The following RAD51B variants were observed in gnomAD, a reference collection of about 807,000 sequenced individuals.
RAD51B encodes RAD51 paralog B, also known as DNA repair protein RAD51 homolog 2.
A neutral mutation model predicts 42.2 loss-of-function variants in RAD51B; 38 were observed. The observed-to-expected ratio is 0.90, with a 90% CI of 0.70 to 1.18. The LOEUF is 1.18. Ranked by LOEUF, RAD51B falls within the 50% of genes most tolerant of loss-of-function variation. The pLI is 0.00. For missense variants in RAD51B, 373 were observed against 400.7 expected (o/e 0.93, Z 0.59); for synonymous variants, 154 against 145.2 (o/e 1.06, Z -0.43).
At chr14:68,124,742 A>G (rs2077720403) in intron 7 of RAD51B, among the ~76,000 whole-genome samples, 1 of 152,176 alleles carries the variant, frequency 6.6e-6, no homozygotes, top group Non-Finnish European at 1.5e-5. Context: ...TCATGAGGTC[A>G]GGAGTTTGAG....
chr14:67,949,239 C>T (rs2074396315), intron 7 of RAD51B, among the ~76,000 whole-genome samples: 1 of 152,218 alleles, frequency 6.6e-6, no homozygotes. Context: ...GCATTTTACT[C>T]ACAGTAGAAC....
At chr14:67,968,674 G>A (rs1305022900) in intron 7 of RAD51B, among the ~76,000 whole-genome samples, 2 of 152,116 alleles carry the variant, frequency 1.3e-5, no homozygotes, top group African/African-American at 4.8e-5. Flanking sequence ...GGACTTTATT[G>A]TCCATATCAC....
intron 7 of RAD51B, among the ~76,000 whole-genome samples, chr14:68,216,867 C>T (rs74926529): frequency 0.025 from 3,761 of 152,238 alleles, 169 homozygotes; most frequent in African/African-American, 0.087. Context: ...GTCCGACCCC[C>T]CTCTCAGCCT....
intron 8 of RAD51B, among the ~76,000 whole-genome samples, chr14:68,297,275 C>T (rs145068461): frequency 7.9e-5 from 12 of 152,314 alleles, no homozygotes; most frequent in African/African-American, 2.9e-4. Context: ...TGGATCTGCT[C>T]TGGATTTACT....
chr14:68,360,488 C>T (rs1398410279), intron 8 of RAD51B, among the ~76,000 whole-genome samples: 2 of 152,234 alleles, frequency 1.3e-5, no homozygotes, highest in East Asian at 3.8e-4. Flanking sequence ...CAGTAGTCTT[C>T]GTGTTACCAG....
intron 7 of RAD51B, among the ~76,000 whole-genome samples, chr14:68,236,753 C>G (rs919039839): frequency 1.3e-5 from 2 of 152,176 alleles, no homozygotes; most frequent in East Asian, 3.8e-4. Context: ...ATCTTTGTGT[C>G]TATTTGGGGA....
Position 68,367,536 on chromosome 14 carries a change from T to G in RAD51B, c.854-43888T>G, listed in dbSNP as rs191860119. Among the ~76,000 whole-genome samples, 33 of 152,308 alleles carry G rather than the reference T, an allele frequency of 2.2e-4. No homozygotes were observed. The East Asian group carries it at 6.2e-3, about 28-fold the overall frequency. On this transcript the variant is annotated intron_variant, in intron 8 of 10. Coordinates refer to ENST00000471583, the MANE Select transcript of RAD51B (RefSeq NM_133510.4). ...GGCTGACAGACATTTGAAAGGCAGG[T>G]TCATGAGGATTGAAGGAACATGTGG...
intron 11 of RAD51B, among the ~76,000 whole-genome samples, chr14:68,673,765 CCA>C (rs879316224): frequency 6.7e-6 from 1 of 149,428 alleles, no homozygotes; most frequent in Non-Finnish European, 1.5e-5. Flanking sequence ...ATATATACAT[CCA>C]CACACGTACA....
chr14:68,432,509 C>T (rs1454825765), intron 9 of RAD51B, among the ~76,000 whole-genome samples: 2 of 152,160 alleles, frequency 1.3e-5, no homozygotes, highest in Non-Finnish European at 2.9e-5. Flanking sequence ...TATGTAATGA[C>T]CTTCTTTGTC....
intron 9 of RAD51B, among the ~76,000 whole-genome samples, chr14:68,424,117 G>T (rs1384043752): frequency 6.6e-6 from 1 of 152,168 alleles, no homozygotes. Flanking sequence ...GAACCTAAGG[G>T]CCCAGGAGGT....
intron 8 of RAD51B, among the ~76,000 whole-genome samples, chr14:68,314,303 C>T (rs536081841): frequency 4.9e-4 from 74 of 152,224 alleles, no homozygotes; most frequent in African/African-American, 1.7e-3. Flanking sequence ...CCCCTGCACT[C>T]ATTCTGATCC....
At chr14:68,370,935 G>T (rs1254010534) in intron 8 of RAD51B, among the ~76,000 whole-genome samples, 1 of 149,604 alleles carries the variant, frequency 6.7e-6, no homozygotes, top group Non-Finnish European at 1.5e-5. Context: ...TGCTCAGGAA[G>T]TGGAGGCTGG....
downstream of RAD51B, among the ~76,000 whole-genome samples, chr14:68,599,362 A>G (rs1891130252): frequency 6.6e-6 from 1 of 152,174 alleles, no homozygotes; most frequent in African/African-American, 2.4e-5. Flanking sequence ...GAAGTTGCGC[A>G]AGGTGGAAAT....
intron 8 of RAD51B, among the ~76,000 whole-genome samples, chr14:68,382,732 G>A (rs2083505948): frequency 6.6e-6 from 1 of 152,160 alleles, no homozygotes. Flanking sequence ...GATTGGACCA[G>A]CACAATGTAT....
At chr14:68,586,959 C>G (rs1429232279) in intron 10 of RAD51B, among the ~76,000 whole-genome samples, 1 of 151,774 alleles carries the variant, frequency 6.6e-6, no homozygotes, top group Non-Finnish European at 1.5e-5. Context: ...GAGTCGAGAT[C>G]ACGCCATTGC....
At chr14:68,539,767 C>T (rs1887854122) in intron 10 of RAD51B, among the ~76,000 whole-genome samples, 1 of 152,180 alleles carries the variant, frequency 6.6e-6, no homozygotes, top group Non-Finnish European at 1.5e-5. Flanking sequence ...TCAGCTGGCT[C>T]AATGGGACTT....
chr14:68,631,062 TG>T (rs1247726055), intron 10 of RAD51B, among the ~76,000 whole-genome samples: 1 of 152,188 alleles, frequency 6.6e-6, no homozygotes. Context: ...TTAGGCACGC[TG>T]AAAGTGGGAT....
intron 5 of RAD51B, among the ~76,000 whole-genome samples, chr14:67,866,299 A>G (rs988740196): frequency 1.3e-5 from 2 of 152,240 alleles, no homozygotes; most frequent in African/African-American, 4.8e-5. Context: ...CATTGAGACT[A>G]CTGGAAATTT....
At position 67,893,498 on chromosome 14, in the gene RAD51B, ACACAC is replaced by A. The variant is rs1451047747; in HGVS notation, c.756+6295_756+6299del. On this transcript the variant is annotated intron_variant, in intron 7 of 10. Coordinates refer to ENST00000471583, the MANE Select transcript of RAD51B (RefSeq NM_133510.4). ...CACACACACACACACACACACACAC[ACACAC>A]ACACACAAAAAAAAACAATTAGCTG... 6.4e-4 allele frequency among the ~76,000 whole-genome samples: 63 copies of A among 98,230 alleles called. 1 individual carries two copies. Among genetic ancestry groups the A allele is most frequent in the African/African-American group, 1.3e-3 (27 of 20,998 alleles). 64.4% of individuals were successfully genotyped at this position (98,230 alleles called of 152,430 possible).
Sources: allele counts gnomAD v4.1 joint callset (sites outside exome capture counted in the v4.1 genomes callset), GRCh38; gene constraint gnomAD v4.1.1; transcripts MANE v1.5; gene names NCBI Gene and HGNC (gene_info 2026-07-23, HGNC 2026-07-21).